Variants in PARN observed in about 807,000 individuals in gnomAD.
The protein encoded by PARN is poly(A)-specific ribonuclease PARN.
In PARN, 71 loss-of-function variants were observed where a neutral mutation model predicts 102.8. The observed-to-expected ratio is 0.69, with a 90% CI of 0.57 to 0.84. The LOEUF (loss-of-function observed/expected upper bound fraction) is 0.84. PARN is among the 40% of genes least tolerant of loss of function. The pLI is 0.00. For missense variants in PARN, 782 were observed against 760.9 expected (o/e 1.03, Z -0.33); for synonymous variants, 261 against 252.9 (o/e 1.03, Z -0.30).
chr16:14,604,766 C>A (rs759608710), intron 10 of PARN, among the ~76,000 whole-genome samples: 3 of 151,970 alleles, frequency 2.0e-5, no homozygotes, highest in African/African-American at 7.3e-5. Context: ...CAGGTGCGCA[C>A]CAATACGCCC....
At chr16:14,466,794 A>G (rs72787631) in intron 22 of PARN, among the ~76,000 whole-genome samples, 24,590 of 150,670 alleles carry the variant, frequency 0.16, 2,433 homozygotes, top group Middle Eastern at 0.26. Flanking sequence ...AACAAACTTT[A>G]TATCTTAACC....
intron 21 of PARN, among the ~76,000 whole-genome samples, chr16:14,521,273 G>T (rs1287954830): frequency 1.3e-5 from 2 of 152,134 alleles, no homozygotes; most frequent in Non-Finnish European, 2.9e-5. Flanking sequence ...TGAAGATGAG[G>T]CTCCAAACTC....
intron 18 of PARN, among the ~76,000 whole-genome samples, chr16:14,557,853 C>G (rs1163994257): frequency 6.6e-6 from 1 of 152,138 alleles, no homozygotes. Context: ...ACATAAAGCA[C>G]CTAGCATGGT....
At chr16:14,448,724 G>A (rs1961310076) in intron 22 of PARN, among the ~76,000 whole-genome samples, 1 of 152,230 alleles carries the variant, frequency 6.6e-6, no homozygotes, top group Non-Finnish European at 1.5e-5. Context: ...AGGGGACAGA[G>A]GAGAAGAACA....
In PARN at chr16:14,457,413, G is replaced by GA. The variant is rs200221515; in HGVS notation, c.1671-10333dup. On this transcript the variant is annotated intron_variant, in intron 22 of 23. Coordinates refer to ENST00000437198, the MANE Select transcript of PARN (RefSeq NM_002582.4). ...TGTGTTTGGGGCTCAATTTAGGTGG[G>GA]AGAGGGGAGGATGTTGGACAACCTA... Among the ~76,000 whole-genome samples, 68 of 152,292 alleles carry GA rather than the reference G, an allele frequency of 4.5e-4. No individual in the cohort carries two copies. The East Asian group carries it at 0.013, about 29-fold the overall frequency.
intron 18 of PARN, among the ~76,000 whole-genome samples, chr16:14,570,857 A>G (rs1215324589): frequency 6.7e-6 from 1 of 149,858 alleles, no homozygotes; most frequent in Non-Finnish European, 1.5e-5. Context: ...GCATGGTGGC[A>G]TGCGCCTTTG....
chr16:14,498,143 A>AC (rs1964416515), intron 21 of PARN, among the ~76,000 whole-genome samples: 1 of 151,344 alleles, frequency 6.6e-6, no homozygotes, highest in Admixed American at 6.6e-5. Flanking sequence ...AAAAAAAAAA[A>AC]GAATTTACTT....
At chr16:14,563,566 AG>A (rs1347374476) in intron 18 of PARN, among the ~76,000 whole-genome samples, 2 of 151,198 alleles carry the variant, frequency 1.3e-5, no homozygotes, top group Non-Finnish European at 2.9e-5. Context: ...CAGGACACGC[AG>A]GTTAAATATG....
intron 22 of PARN, among the ~76,000 whole-genome samples, chr16:14,464,444 A>C (rs112928467): frequency 8.6e-4 from 131 of 152,326 alleles, no homozygotes; most frequent in Admixed American, 1.6e-3. Context: ...TTCTATACCC[A>C]GCAAAAATAT....
At position 14,524,643 on chromosome 16, in the gene PARN, T is replaced by C. The variant is rs544466580; in HGVS notation, c.1480+27378A>G. Among the ~76,000 whole-genome samples the C allele has an allele frequency of 1.3e-4, 20 of 152,294 alleles. No individual in the cohort carries two copies. The South Asian group carries it at 3.9e-3, about 30-fold the overall frequency. Reference sequence around the variant, plus strand: ...AAAATATGTTACTGAAGATATTTTATCTCCACTAGAATATAATTTCCCAAA... The same window carrying C: ...AAAATATGTTACTGAAGATATTTTACCTCCACTAGAATATAATTTCCCAAA... On this transcript the variant is annotated intron_variant, in intron 21 of 23. Transcript: ENST00000437198.
In PARN at chr16:14,436,360, A is replaced by T. The variant is rs1476599080; in HGVS notation, c.*357T>A. 1 of 277,384 alleles carries T rather than the reference A, an allele frequency of 3.6e-6. No homozygotes were observed. The highest frequency in any genetic ancestry group is 2.2e-5 in the African/African-American group (1 of 45,926). The allele number at this position is 277,384 out of a possible 1,614,324, so 17.2% of individuals were successfully genotyped here. On this transcript the variant is annotated 3_prime_UTR_variant, in exon 24 of 24. Coordinates refer to ENST00000437198, the MANE Select transcript of PARN (RefSeq NM_002582.4). ...TCATGATCACAGCAGCTGGAATGTC[A>T]GCTCTTTTTGCAGATTTCACAGCCG...
chr16:14,625,127 T>G (rs756740864), intron 5 of PARN, among the ~76,000 whole-genome samples: 45 of 152,002 alleles, frequency 3.0e-4, no homozygotes, highest in Non-Finnish European at 6.0e-4. Flanking sequence ...TCTGTGTTGC[T>G]GGTACTGCTA....
intron 18 of PARN, 54 bp downstream of exon 18, chr16:14,580,820 T>C: frequency 2.0e-6 from 2 of 1,023,624 alleles, no homozygotes; most frequent in South Asian, 1.4e-5. Flanking sequence ...TCCCAAGATA[T>C]GAGGCTGTTC....
chr16:14,444,129 A>C (rs1337546893), intron 23 of PARN, among the ~76,000 whole-genome samples: 5 of 152,164 alleles, frequency 3.3e-5, no homozygotes, highest in African/African-American at 7.2e-5. Flanking sequence ...TGATATCCTG[A>C]CCTATATCCT....
intron 21 of PARN, among the ~76,000 whole-genome samples, chr16:14,550,922 A>G (rs768596336): frequency 2.0e-5 from 3 of 152,098 alleles, no homozygotes; most frequent in Non-Finnish European, 4.4e-5. Flanking sequence ...AAAATTATTT[A>G]GGATCCTACA....
At chr16:14,507,378 T>G (rs1419067547) in intron 21 of PARN, among the ~76,000 whole-genome samples, 3 of 151,424 alleles carry the variant, frequency 2.0e-5, no homozygotes, top group Non-Finnish European at 4.4e-5. Flanking sequence ...AAACCAGCTC[T>G]CTGACTCTAT....
At chr16:14,436,836 A>G in intron 23 of PARN, 64 bp from the exon 24 acceptor site, 1 of 1,198,860 alleles carries the variant, frequency 8.3e-7, no homozygotes, top group Middle Eastern at 1.9e-4. Context: ...GGAGAGCATG[A>G]CATGACCAGC....
intron 18 of PARN, among the ~76,000 whole-genome samples, chr16:14,574,821 G>A (rs146114452): frequency 0.043 from 6,534 of 152,278 alleles, 155 homozygotes; most frequent in African/African-American, 0.053. Context: ...TCTCCAGGGC[G>A]TGTCAGAGGT....
chr16:14,562,024 C>T (rs540391248), intron 18 of PARN, among the ~76,000 whole-genome samples: 1 of 151,476 alleles, frequency 6.6e-6, no homozygotes, highest in East Asian at 2.0e-4. Flanking sequence ...TGGTGGCGCA[C>T]GCCTGTAATC....
Sources: gnomAD v4.1 joint callset for allele counts (sites outside exome capture counted in the v4.1 genomes callset) on GRCh38, gnomAD v4.1.1 for gene constraint, MANE v1.5 for transcripts, NCBI Gene and HGNC (gene_info 2026-07-23, HGNC 2026-07-21) for gene names.